Variants in GALNT18 observed in about 807,000 individuals in gnomAD.
The protein encoded by GALNT18 is GalNAc-transferase 18.
A neutral mutation model predicts 69.5 loss-of-function variants in GALNT18; 44 were observed. The ratio of observed to expected loss-of-function variants is 0.63; its 90% confidence interval spans 0.50 to 0.81. GALNT18 has a LOEUF of 0.81. Among genes scored for constraint, GALNT18 ranks in the 40% least tolerant of loss-of-function variants. The pLI, the probability that GALNT18 is intolerant of heterozygous loss-of-function variation, is 0.00. For synonymous variants in GALNT18, 364 were observed against 318.2 expected (o/e 1.14, Z -1.53); for missense variants, 715 against 810.0 (o/e 0.88, Z 1.42).
At chr11:11,311,184 C>A (rs967308281) in intron 9 of GALNT18, among the ~76,000 whole-genome samples, 1 of 152,152 alleles carries the variant, frequency 6.6e-6, no homozygotes, top group African/African-American at 2.4e-5. Context: ...GTTGGTGATA[C>A]CCTACTAAGA....
At chr11:11,569,891 G>A (rs758056983) in intron 1 of GALNT18, among the ~76,000 whole-genome samples, 4 of 152,140 alleles carry the variant, frequency 2.6e-5, no homozygotes, top group Non-Finnish European at 5.9e-5. Flanking sequence ...CCAGTCCATG[G>A]AGACAGGAAA....
At position 11,533,555 on chromosome 11, in the gene GALNT18, C is replaced by A. The variant is rs536116719; in HGVS notation, c.236-84619G>T. On this transcript the variant is annotated intron_variant, in intron 1 of 10. Coordinates refer to ENST00000227756, the MANE Select transcript of GALNT18 (RefSeq NM_198516.3). Reference sequence around the variant, plus strand: ...CATCTCCAGATCAACAGGACCTGGGCCCCTACGGCACTGAGTCAGGGCTAA... The same window carrying A: ...CATCTCCAGATCAACAGGACCTGGGACCCTACGGCACTGAGTCAGGGCTAA... 2.6e-5 allele frequency among the ~76,000 whole-genome samples: 4 copies of A among 152,334 alleles called. No individual in the cohort carries two copies. The East Asian group carries it at 7.7e-4, about 29-fold the overall frequency.
At chr11:11,608,421 G>A (rs987749641) in intron 1 of GALNT18, among the ~76,000 whole-genome samples, 2 of 151,852 alleles carry the variant, frequency 1.3e-5, no homozygotes, top group Non-Finnish European at 2.9e-5. Context: ...GTACAATGGT[G>A]CAATCTCGGC....
At chr11:11,428,279 T>C (rs1855180963) in intron 3 of GALNT18, among the ~76,000 whole-genome samples, 2 of 152,232 alleles carry the variant, frequency 1.3e-5, no homozygotes, top group African/African-American at 4.8e-5. Flanking sequence ...AGGGGCCACG[T>C]CCTCCAGGAG....
At chr11:11,557,653 GTCAGCTTCTGTGGCTA>G (rs1349502804) in intron 1 of GALNT18, among the ~76,000 whole-genome samples, 2 of 152,198 alleles carry the variant, frequency 1.3e-5, no homozygotes, top group Non-Finnish European at 2.9e-5. Flanking sequence ...CTCGGTAACT[GTCAGCTTCTGTGGCTA>G]TCAGTTTGCA....
Position 11,620,484 on chromosome 11 carries a change from C to A in GALNT18, c.235+875G>T, listed in dbSNP as rs1349036221. Among the ~76,000 whole-genome samples, 4 of 152,166 alleles carry A rather than the reference C, an allele frequency of 2.6e-5. No homozygotes were observed. The highest frequency in any genetic ancestry group is 5.9e-5 in the Non-Finnish European group (4 of 68,028). The stretch of plus-strand genomic sequence containing the variant: ...ACCCCCGCGCTGGTCTGGAGCGCAC[C>A]CAACCAGCGTAACCTTACACTTCAG... On this transcript the variant is annotated intron_variant, in intron 1 of 10. Coordinates refer to ENST00000227756, the MANE Select transcript of GALNT18 (RefSeq NM_198516.3). This position sits in a 1 kb window ranked among gnomAD's most constrained non-coding sequence, Gnocchi z 6.9.
intron 1 of GALNT18, among the ~76,000 whole-genome samples, chr11:11,557,396 G>T (rs567062080): frequency 6.6e-6 from 1 of 152,132 alleles, no homozygotes; most frequent in South Asian, 2.1e-4. Flanking sequence ...TGACCTTGGG[G>T]AAATTACTCA....
intron 1 of GALNT18, among the ~76,000 whole-genome samples, chr11:11,531,302 T>C (rs6484972): frequency 0.98 from 149,036 of 152,302 alleles, 72,978 homozygotes; most frequent in Non-Finnish European, 1. Flanking sequence ...GGAACCCTGC[T>C]AGCATTGCAG....
In GALNT18 at chr11:11,543,520, A is replaced by T. The variant is rs985403160; in HGVS notation, c.235+77839T>A. 6.6e-6 allele frequency among the ~76,000 whole-genome samples: 1 copy of T among 152,028 alleles called. No homozygotes were observed. Among genetic ancestry groups the T allele is most frequent in the Non-Finnish European group, 1.5e-5 (1 of 67,996 alleles). ...CAAGAGCCTGGCTTCTGCACAGGAC[A>T]CCATTCACCAAGTGCTGCTGGAGTC... On this transcript the variant is annotated intron_variant, in intron 1 of 10. Coordinates refer to ENST00000227756, the MANE Select transcript of GALNT18 (RefSeq NM_198516.3). The surrounding 1 kb of genome is among the most constrained non-coding windows in gnomAD (Gnocchi z 5.1).
chr11:11,526,404 G>A (rs186346011), intron 1 of GALNT18, among the ~76,000 whole-genome samples: 10 of 152,214 alleles, frequency 6.6e-5, no homozygotes, highest in East Asian at 1.9e-4. Context: ...AAAATGCAGC[G>A]CTGGTCCCTT....
At chr11:11,492,006 T>C (rs376870254) in intron 1 of GALNT18, among the ~76,000 whole-genome samples, 1 of 152,318 alleles carries the variant, frequency 6.6e-6, no homozygotes, top group East Asian at 1.9e-4. Context: ...TTGACTCAAA[T>C]TTTGATTTTT....
chr11:11,334,192 T>C (rs1850069047), intron 7 of GALNT18, among the ~76,000 whole-genome samples: 1 of 152,184 alleles, frequency 6.6e-6, no homozygotes, highest in Non-Finnish European at 1.5e-5. Flanking sequence ...TGGCTGCATT[T>C]ATCTGGACAC....
chr11:11,402,065 T>G lies in GALNT18; in HGVS notation c.596-22801A>C, dbSNP rs753273218. ...TAGTATGTACCAAAGCAAGAAGAGA[T>G]GAAGTAGGCTTACATATTATTAGGT... On this transcript the variant is annotated intron_variant, in intron 3 of 10. Transcript: ENST00000227756. This position sits in a 1 kb window ranked among gnomAD's most constrained non-coding sequence, Gnocchi z 4.0. Among the ~76,000 whole-genome samples the G allele has an allele frequency of 4.6e-5, 7 of 152,226 alleles. No individual in the cohort carries two copies. Among genetic ancestry groups the G allele is most frequent in the Non-Finnish European group, 1.0e-4 (7 of 68,040 alleles).
rs538116420 is a variant in GALNT18 at position 11,463,456 on chromosome 11, G to A, written c.236-14520C>T. ...TTAAATGTAGTGTACAGTGCAGAAG[G>A]ATAAATACGAGCCAGGGCCCCAGCG... is the stretch of plus-strand genomic sequence containing the variant. On this transcript the variant is annotated intron_variant, in intron 1 of 10. Coordinates refer to ENST00000227756, the MANE Select transcript of GALNT18 (RefSeq NM_198516.3). This position sits in a 1 kb window ranked among gnomAD's most constrained non-coding sequence, Gnocchi z 4.2. Among the ~76,000 whole-genome samples the A allele has an allele frequency of 6.6e-6, 1 of 152,308 alleles. No individual in the cohort carries two copies. Among genetic ancestry groups the A allele is most frequent in the African/African-American group, 2.4e-5 (1 of 41,572 alleles).
chr11:11,535,327 A>C (rs1590079811), intron 1 of GALNT18, among the ~76,000 whole-genome samples: 1 of 152,352 alleles, frequency 6.6e-6, no homozygotes, highest in Non-Finnish European at 1.5e-5. Flanking sequence ...ACACAAGGCA[A>C]GTCAGTTAAC....
Position 11,620,943 on chromosome 11 carries a change from G to C in GALNT18, c.235+416C>G, listed in dbSNP as rs1031820965. ...GCGGGCATCTCGCCTGACGCCTACA[G>C]TGGCCAAAAAAGCTCGTTTGCCCGC... is the stretch of plus-strand genomic sequence containing the variant. On this transcript the variant is annotated intron_variant, in intron 1 of 10. Coordinates refer to ENST00000227756, the MANE Select transcript of GALNT18 (RefSeq NM_198516.3). This position sits in a 1 kb window ranked among gnomAD's most constrained non-coding sequence, Gnocchi z 6.9. 1.3e-5 allele frequency among the ~76,000 whole-genome samples: 2 copies of C among 148,278 alleles called. No individual in the cohort carries two copies. The highest frequency in any genetic ancestry group is 5.0e-5 in the African/African-American group (2 of 40,142).
chr11:11,279,964 A>C (rs568394127), intron 10 of GALNT18, among the ~76,000 whole-genome samples: 1 of 152,008 alleles, frequency 6.6e-6, no homozygotes, highest in South Asian at 2.1e-4. Flanking sequence ...TGAAGGAGGC[A>C]GGGACTGAGA....
intron 2 of GALNT18, among the ~76,000 whole-genome samples, chr11:11,447,283 T>A (rs1855676908): frequency 6.6e-6 from 1 of 152,174 alleles, no homozygotes; most frequent in South Asian, 2.1e-4. Context: ...AAATGTTACC[T>A]CTTACTGAGG....
rs1859713383 is a variant in GALNT18 at position 11,604,947 on chromosome 11, G to GT, written c.235+16411dup. On this transcript the variant is annotated intron_variant, in intron 1 of 10. Transcript: ENST00000227756. This position sits in a 1 kb window ranked among gnomAD's most constrained non-coding sequence, Gnocchi z 5.6. The stretch of plus-strand genomic sequence containing the variant: ...TGCTCCTGGCCGTGAGTCTGCGGAG[G>GT]TAAAAAAAAAGAATGGAATAGTCCT... Among the ~76,000 whole-genome samples the GT allele has an allele frequency of 6.6e-6, 1 of 151,818 alleles. No homozygotes were observed. Among genetic ancestry groups the GT allele is most frequent in the Non-Finnish European group, 1.5e-5 (1 of 67,958 alleles).
Sources: gnomAD v4.1 joint callset for allele counts (sites outside exome capture counted in the v4.1 genomes callset) on GRCh38, gnomAD v4.1.1 for gene constraint, Gnocchi (gnomAD v3.1) non-coding constraint, MANE v1.5 for transcripts, NCBI Gene and HGNC (gene_info 2026-07-23, HGNC 2026-07-21) for gene names.